COL4A6: variants seen among roughly 807,000 people sequenced by gnomAD.
The protein encoded by COL4A6 is collagen type IV alpha 6 chain, also known as collagen alpha-6(IV) chain.
A neutral mutation model predicts 126.7 loss-of-function variants in COL4A6; 59 were observed. The observed-to-expected ratio is 0.47, with a 90% CI of 0.38 to 0.58. COL4A6 has a LOEUF of 0.58. COL4A6 is among the 20% of genes least tolerant of loss of function. COL4A6 has a pLI of 0.00. For synonymous variants in COL4A6, 547 were observed against 496.6 expected (o/e 1.10, Z -1.35); for missense variants, 1,285 against 1,337.3 (o/e 0.96, Z 0.61).
In COL4A6 at chrX:108,221,286, C is replaced by T. The variant is rs1221723541; in HGVS notation, c.233G>A (p.Arg78Lys). Residue 78 changes from arginine (R) to lysine (K), a missense_variant, in exon 4 of 45, where the codon AGG (arginine) becomes AAG (lysine). Arg to Lys is a conservative substitution (Grantham distance 26). Transcript: ENST00000334504. ...AGGTCCCAGAAGGCCTGGGAAACCC[C>T]TTTCTCCTTTCAATCCCGATAAACC... ...STGLSGLKGERGFPGLLGPYG... is the reference protein window; with the variant it reads ...STGLSGLKGEKGFPGLLGPYG... 2 of 1,211,623 alleles carry T rather than the reference C, an allele frequency of 1.7e-6. No individual in the cohort carries two copies. The highest frequency in any genetic ancestry group is 5.9e-5 in the East Asian group (2 of 33,821).
At chrX:108,433,288 A>G (rs1001237548) in intron 2 of COL4A6, among the ~76,000 whole-genome samples, 94 of 111,684 alleles carry the variant, frequency 8.4e-4, no homozygotes, top group African/African-American at 2.9e-3. Context: ...TTTTCCCTTG[A>G]GCATGCTTAT....
intron 2 of COL4A6, among the ~76,000 whole-genome samples, chrX:108,390,955 C>T (rs1003316622): frequency 1.8e-5 from 2 of 111,200 alleles, no homozygotes; most frequent in African/African-American, 3.3e-5. Flanking sequence ...GTTAGTTTTC[C>T]TTCTAATAGT....
At chrX:108,169,307 C>T (rs1212970211) in intron 37 of COL4A6, among the ~76,000 whole-genome samples, 188 bp downstream of exon 37, 1 of 112,077 alleles carries the variant, frequency 8.9e-6, no homozygotes, top group Non-Finnish European at 1.9e-5. Context: ...TGACAGTCTT[C>T]ACTGGAAAAT....
At chrX:108,190,363 G>A in intron 20 of COL4A6, 29 bp downstream of exon 20, 1 of 1,074,936 alleles carries the variant, frequency 9.3e-7, no homozygotes, top group Non-Finnish European at 1.3e-6. Context: ...GAGTTTGGAG[G>A]ACCAAGAAAC....
chrX:108,186,958 C>T (rs1242821948), intron 23 of COL4A6, 138 bp downstream of exon 23: 2 of 493,665 alleles, frequency 4.1e-6, no homozygotes, highest in Non-Finnish European at 6.2e-6. Context: ...TTTTCACATG[C>T]AAATCCTTCA....
rs186487108 is a variant in COL4A6 at position 108,437,756 on chromosome X, A to C, written c.63+186T>G. 1.3e-3 allele frequency among the ~76,000 whole-genome samples: 148 copies of C among 111,688 alleles called. 1 individual carries two copies. The highest frequency in any genetic ancestry group is 0.011 in the Admixed American group (120 of 10,523). On this transcript the variant is annotated intron_variant, in intron 2 of 44. Transcript: ENST00000334504. The stretch of plus-strand genomic sequence containing the variant: ...AAGTTTTGGAAGATATCTTGGTCCC[A>C]AAAACACTGACTTGACACTGTGCTA...
chrX:108,196,696 C>G (rs567938329), intron 13 of COL4A6, 117 bp from the exon 14 acceptor site: 1 of 542,996 alleles, frequency 1.8e-6, no homozygotes. Flanking sequence ...GGGAGGCTCA[C>G]CATGCTGTCT....
intron 13 of COL4A6, among the ~76,000 whole-genome samples, chrX:108,197,772 A>AGTGTGTGTGTGT (rs57928875): frequency 8.0e-5 from 7 of 87,253 alleles, no homozygotes; most frequent in Admixed American, 1.3e-4. Context: ...TATTGGGAGG[A>AGTGTGTGTGTGT]GTGTGTGTGT....
At chrX:108,277,031 C>T (rs1006988976) in intron 3 of COL4A6, among the ~76,000 whole-genome samples, 3 of 111,850 alleles carry the variant, frequency 2.7e-5, no homozygotes, top group Non-Finnish European at 3.8e-5. Context: ...CGAAGATGGC[C>T]GAATAGGAAC....
Position 108,322,897 on chromosome X carries a change from A to C in COL4A6, c.64-12069T>G, listed in dbSNP as rs760404796. Among the ~76,000 whole-genome samples, 7 of 112,366 alleles carry C rather than the reference A, an allele frequency of 6.2e-5. No individual in the cohort carries two copies. In the East Asian group the frequency reaches 8.4e-4, roughly 13 times the overall value. The stretch of plus-strand genomic sequence containing the variant: ...TTGGGGATATACTTATACTTAAGAT[A>C]TATTTGTTATTTATCTGCAATTCAA... On this transcript the variant is annotated intron_variant, in intron 2 of 44. Coordinates refer to ENST00000334504, the MANE Select transcript of COL4A6 (RefSeq NM_033641.4).
At chrX:108,223,249 A>G (rs1026297062) in intron 3 of COL4A6, among the ~76,000 whole-genome samples, 11 of 111,256 alleles carry the variant, frequency 9.9e-5, no homozygotes, top group African/African-American at 3.6e-4. Context: ...GGGCAAGGGG[A>G]GGGATAGCAC....
intron 3 of COL4A6, among the ~76,000 whole-genome samples, chrX:108,257,931 G>T (rs2037048988): frequency 8.9e-6 from 1 of 111,804 alleles, no homozygotes. Context: ...GTTTTGAATA[G>T]TCAAAAGGTT....
At chrX:108,267,497 C>T (rs2037339728) in intron 3 of COL4A6, 2 of 112,251 alleles carry the variant, frequency 1.8e-5, no homozygotes, top group East Asian at 2.8e-4. Flanking sequence ...TCTTGTAAGC[C>T]CACAGCACGT....
At chrX:108,191,613 A>G in intron 18 of COL4A6, 80 bp from the exon 19 acceptor site, 1 of 1,072,978 alleles carries the variant, frequency 9.3e-7, no homozygotes, top group South Asian at 2.4e-5. Context: ...CATATGTTGG[A>G]AACAAATCCA....
intron 2 of COL4A6, among the ~76,000 whole-genome samples, chrX:108,318,746 T>C (rs890140203): frequency 3.3e-4 from 37 of 112,097 alleles, no homozygotes; most frequent in Non-Finnish European, 4.3e-4. Flanking sequence ...AATGGAAGAA[T>C]ATTCCATGCT....
chrX:108,188,423 C>T (rs1489402483), intron 21 of COL4A6, 94 bp downstream of exon 21: 1 of 898,996 alleles, frequency 1.1e-6, no homozygotes, highest in Non-Finnish European at 1.5e-6. Flanking sequence ...AATCCCATCT[C>T]TCTTGTATGT....
chrX:108,268,477 C>T (rs1315287962), intron 3 of COL4A6: 1 of 112,180 alleles, frequency 8.9e-6, no homozygotes, highest in East Asian at 2.8e-4. Flanking sequence ...TAGAAATTTG[C>T]CAAATGGCAC....
chrX:108,407,710 C>G (rs1423838828), intron 2 of COL4A6, among the ~76,000 whole-genome samples: 1 of 111,820 alleles, frequency 8.9e-6, no homozygotes, highest in East Asian at 2.8e-4. Context: ...AAGCATTTTA[C>G]AATATTGTAA....
chrX:108,387,016 A>T (rs2040715339), intron 2 of COL4A6, among the ~76,000 whole-genome samples: 1 of 111,873 alleles, frequency 8.9e-6, no homozygotes, highest in African/African-American at 3.3e-5. Context: ...GTCAAAGATC[A>T]GATGCTTGTA....
Sources: allele counts gnomAD v4.1 joint callset (sites outside exome capture counted in the v4.1 genomes callset), GRCh38; gene constraint gnomAD v4.1.1; transcripts MANE v1.5; gene names NCBI Gene and HGNC (gene_info 2026-07-23, HGNC 2026-07-21).